The following MKKS variants were observed in gnomAD, a reference collection of about 807,000 sequenced individuals.
MKKS encodes the protein MKKS centrosomal shuttling protein.
Under a neutral mutation model 33.2 loss-of-function variants are expected in MKKS, and 29 were observed. That is an observed-to-expected ratio of 0.87 (90% confidence interval 0.65 to 1.19). The LOEUF (loss-of-function observed/expected upper bound fraction) is 1.19, where lower values mean the gene tolerates loss of function less well. MKKS is among the 50% of genes most tolerant of loss of function. MKKS has a pLI of 0.00. For synonymous variants in MKKS, 260 were observed against 244.0 expected, an observed-to-expected ratio of 1.07 and a Z score of -0.61; for missense variants, 661 against 662.3, an observed-to-expected ratio of 1.00 and a Z score of 0.02.
At chr20:10,429,489 C>T (rs2065039047) in intron 1 of MKKS, among the ~76,000 whole-genome samples, 1 of 152,186 alleles carries the variant, frequency 6.6e-6, no homozygotes, top group African/African-American at 2.4e-5. Flanking sequence ...CTACTGTACA[C>T]CTTTGAACTA....
chr20:10,412,821 G>T lies in MKKS; in HGVS notation c.694C>A (p.Pro232Thr), dbSNP rs759336298. The T allele has an allele frequency of 1.2e-6, 2 of 1,614,108 alleles. No homozygotes were observed. Among genetic ancestry groups the T allele is most frequent in the South Asian group, 1.1e-5 (1 of 91,074 alleles). ...MSEVQLMRLL[P>T]IKKSTALKVA... is the part of the protein sequence containing the mutation. ...TTGAGGGCAGTTGATTTTTTGATAG[G>T]TAATAGCCTCATTAATTGAACTTCT... The change falls in exon 3 of 6, where the codon CCT becomes ACT. Residue 232 changes from proline (P) to threonine (T), a missense_variant. Coordinates refer to ENST00000347364, the MANE Select transcript of MKKS (RefSeq NM_170784.3).
At chr20:10,424,243 A>T (rs1279935735) in intron 1 of MKKS, among the ~76,000 whole-genome samples, 1 of 151,806 alleles carries the variant, frequency 6.6e-6, no homozygotes, top group Non-Finnish European at 1.5e-5. Flanking sequence ...TAAAAGAAAA[A>T]AATATATATT....
At chr20:10,417,524 T>C (rs1410798974) in intron 2 of MKKS, among the ~76,000 whole-genome samples, 12 of 152,202 alleles carry the variant, frequency 7.9e-5, no homozygotes, top group Admixed American at 7.9e-4. Context: ...GGCTGGAGGA[T>C]GGCCTGTGCC....
At chr20:10,407,790 G>T in intron 4 of MKKS, 64 bp from the exon 5 acceptor site, 1 of 1,218,452 alleles carries the variant, frequency 8.2e-7, no homozygotes, top group Non-Finnish European at 1.2e-6. Flanking sequence ...AAAAAATCAT[G>T]CTCTCAAAGC....
At position 10,413,461 on chromosome 20, in the gene MKKS, T is replaced by A; in HGVS notation, c.54A>T (p.Thr18=). 2 of 1,614,132 alleles carry A rather than the reference T, an allele frequency of 1.2e-6. No individual in the cohort carries two copies. Among genetic ancestry groups the A allele is most frequent in the Non-Finnish European group, 1.7e-6 (2 of 1,179,952 alleles). Residue 18 remains threonine (T), a synonymous_variant, in exon 3 of 6, where the codon ACA becomes ACT. Transcript: ENST00000347364. ...KPSLCKSEPL[T]TERVRTTLSV... ...AAAGTGTGGTCCTGACTCTCTCAGT[T>A]GTCAGTGGTTCACTCTTACACAATG...
intron 2 of MKKS, among the ~76,000 whole-genome samples, chr20:10,420,193 A>G (rs1301123844): frequency 6.6e-6 from 1 of 152,180 alleles, no homozygotes; most frequent in Non-Finnish European, 1.5e-5. Context: ...AAGAACACTA[A>G]TAGAAGAAAA....
At chr20:10,415,730 G>A (rs1015201857) in intron 2 of MKKS, among the ~76,000 whole-genome samples, 1 of 152,088 alleles carries the variant, frequency 6.6e-6, no homozygotes, top group Non-Finnish European at 1.5e-5. Context: ...TAAGAAAATC[G>A]TTTTTCTAGT....
intron 3 of MKKS, 81 bp downstream of exon 3, chr20:10,412,449 G>A (rs1477428100): frequency 5.6e-6 from 8 of 1,420,948 alleles, no homozygotes; most frequent in Admixed American, 1.7e-5. Context: ...GATGTTAACA[G>A]TGACACAAAC....
intron 5 of MKKS, among the ~76,000 whole-genome samples, chr20:10,407,248 T>A (rs1292059780): frequency 6.6e-6 from 1 of 152,212 alleles, no homozygotes; most frequent in Admixed American, 6.5e-5. Context: ...ATTGCAGCAG[T>A]TGAGATCTCT....
intron 1 of MKKS, among the ~76,000 whole-genome samples, chr20:10,421,117 T>TA (rs2064977432): frequency 1.3e-5 from 2 of 152,246 alleles, no homozygotes; most frequent in Admixed American, 6.5e-5. Context: ...AGCCTTTTTT[T>TA]AAATTATATT....
chr20:10,428,007 C>T (rs556360645), intron 1 of MKKS, among the ~76,000 whole-genome samples: 1 of 152,330 alleles, frequency 6.6e-6, no homozygotes, highest in East Asian at 1.9e-4. Context: ...TTTGCTATTC[C>T]TCCCTGCTCA....
intron 5 of MKKS, among the ~76,000 whole-genome samples, chr20:10,406,021 G>A (rs2064841571): frequency 1.3e-5 from 2 of 152,110 alleles, no homozygotes; most frequent in South Asian, 4.1e-4. Context: ...CATAATACAT[G>A]TATTACAGGT....
intron 4 of MKKS, among the ~76,000 whole-genome samples, chr20:10,408,108 G>C (rs2064855571): frequency 6.6e-6 from 1 of 152,098 alleles, no homozygotes; most frequent in African/African-American, 2.4e-5. Flanking sequence ...AAATAATACA[G>C]TTACATCCCA....
chr20:10,407,742 A>C lies in MKKS; in HGVS notation c.1162-16T>G. On this transcript the variant is annotated splice_polypyrimidine_tract_variant and intron_variant, in intron 4 of 5. Coordinates refer to ENST00000347364, the MANE Select transcript of MKKS (RefSeq NM_170784.3). ...GACACGTGAGCTAAGAAAAAACCCA[A>C]ATCATCAGAATCAGACGTTCACATC... 1 of 1,573,954 alleles carries C rather than the reference A, an allele frequency of 6.4e-7. No individual in the cohort carries two copies. The highest frequency in any genetic ancestry group is 2.2e-5 in the East Asian group (1 of 44,558).
chr20:10,415,476 G>GCAAT (rs2064931283), intron 2 of MKKS, among the ~76,000 whole-genome samples: 1 of 152,160 alleles, frequency 6.6e-6, no homozygotes, highest in Non-Finnish European at 1.5e-5. Flanking sequence ...CAAATAAAGG[G>GCAAT]CAATGATGGT....
chr20:10,413,480 C>T lies in MKKS; in HGVS notation c.35G>A (p.Cys12Tyr), dbSNP rs368277209. 2.6e-5 allele frequency: 42 copies of T among 1,614,104 alleles called. No homozygotes were observed. The highest frequency in any genetic ancestry group is 3.3e-5 in the Non-Finnish European group (39 of 1,180,036). Reference sequence around the variant, plus strand: ...CTCAGTTGTCAGTGGTTCACTCTTACACAATGATGGCTTCTTAGCTTCCAA... The same window carrying T: ...CTCAGTTGTCAGTGGTTCACTCTTATACAATGATGGCTTCTTAGCTTCCAA... ...SRLEAKKPSL[C>Y]KSEPLTTERV... Residue 12 changes from cysteine (C) to tyrosine (Y), a missense_variant, in exon 3 of 6, where the codon TGT becomes TAT. Cys to Tyr is a radical substitution (Grantham distance 194). Coordinates refer to ENST00000347364, the MANE Select transcript of MKKS (RefSeq NM_170784.3).
chr20:10,427,621 T>C (rs1241191263), intron 1 of MKKS, among the ~76,000 whole-genome samples: 1 of 152,250 alleles, frequency 6.6e-6, no homozygotes, highest in Non-Finnish European at 1.5e-5. Flanking sequence ...AATTGTGGCA[T>C]TTTTTCTGTG....
chr20:10,415,610 G>T (rs1430668523), intron 2 of MKKS, among the ~76,000 whole-genome samples: 1 of 152,172 alleles, frequency 6.6e-6, no homozygotes, highest in African/African-American at 2.4e-5. Context: ...GGCTATTACA[G>T]ATTCAGCAAA....
At chr20:10,432,623 T>C (rs1274874721) in intron 1 of MKKS, among the ~76,000 whole-genome samples, 1 of 151,988 alleles carries the variant, frequency 6.6e-6, no homozygotes, top group Non-Finnish European at 1.5e-5. Flanking sequence ...CGAAACACCA[T>C]CTCTACTAAA....
Sources: gnomAD v4.1 joint callset for allele counts (sites outside exome capture counted in the v4.1 genomes callset) on GRCh38, gnomAD v4.1.1 for gene constraint, MANE v1.5 for transcripts, NCBI Gene and HGNC (gene_info 2026-07-23, HGNC 2026-07-21) for gene names.